Variants in RYR2 observed in about 807,000 individuals in gnomAD.
RYR2 encodes ryanodine receptor 2, also known as cardiac muscle ryanodine receptor-calcium release channel.
In RYR2, 227 loss-of-function variants were observed where a neutral mutation model predicts 601.1. That is an observed-to-expected ratio of 0.38 (90% confidence interval 0.34 to 0.42). RYR2 has a LOEUF of 0.42. Ranked by LOEUF, RYR2 falls within the 10% of genes least tolerant of loss-of-function variation. The pLI is 1.00. For missense variants in RYR2, 4,646 were observed against 6,156.5 expected, an observed-to-expected ratio of 0.75 and a Z score of 8.21; for synonymous variants, 2,223 against 2,175.1, an observed-to-expected ratio of 1.02 and a Z score of -0.61.
chr1:237,713,656 C>T (rs1231038430), intron 71 of RYR2, among the ~76,000 whole-genome samples: 2 of 152,080 alleles, frequency 1.3e-5, no homozygotes, highest in African/African-American at 4.8e-5. Context: ...CTCGGCCTCC[C>T]AAAGTACCTG....
At chr1:237,691,863 G>T (rs1299541389) in intron 63 of RYR2, among the ~76,000 whole-genome samples, 3 of 152,192 alleles carry the variant, frequency 2.0e-5, no homozygotes, top group Non-Finnish European at 2.9e-5. Flanking sequence ...TAAATAGGAC[G>T]TAGGCAGGTT....
intron 92 of RYR2, among the ~76,000 whole-genome samples, chr1:237,790,200 A>G (rs1658206504): frequency 6.6e-6 from 1 of 152,194 alleles, no homozygotes; most frequent in South Asian, 2.1e-4. Flanking sequence ...TCCCAGCCCA[A>G]TAAATTGTAC....
intron 74 of RYR2, among the ~76,000 whole-genome samples, chr1:237,724,281 T>G (rs1038331165): frequency 1.3e-5 from 2 of 150,112 alleles, no homozygotes; most frequent in Non-Finnish European, 3.0e-5. Flanking sequence ...TGTATTGCCT[T>G]TAGCCATATT....
intron 2 of RYR2, among the ~76,000 whole-genome samples, chr1:237,319,427 C>A (rs1051278881): frequency 6.6e-6 from 1 of 151,922 alleles, no homozygotes; most frequent in Non-Finnish European, 1.5e-5. Flanking sequence ...ACCCTGAATT[C>A]TTTTATGTCT....
intron 1 of RYR2, among the ~76,000 whole-genome samples, chr1:237,099,127 T>C (rs1667803462): frequency 6.6e-6 from 1 of 151,292 alleles, no homozygotes; most frequent in African/African-American, 2.4e-5. Flanking sequence ...ACCCAGGAAA[T>C]TCAATATCAG....
intron 56 of RYR2, among the ~76,000 whole-genome samples, chr1:237,663,481 C>T (rs1425131066): frequency 6.6e-6 from 1 of 152,084 alleles, no homozygotes; most frequent in Non-Finnish European, 1.5e-5. Flanking sequence ...CACAAGTGGC[C>T]CATGGTTAAC....
At chr1:237,769,272 CTAAG>C (rs1412731257) in intron 84 of RYR2, among the ~76,000 whole-genome samples, 1 of 152,118 alleles carries the variant, frequency 6.6e-6, no homozygotes, top group Non-Finnish European at 1.5e-5. Flanking sequence ...GAAAATGGAA[CTAAG>C]TATCACCAAT....
chr1:237,386,563 C>A lies in RYR2; in HGVS notation c.577-718C>A, dbSNP rs571805540. On this transcript the variant is annotated intron_variant, in intron 8 of 104. Coordinates refer to ENST00000366574, the MANE Select transcript of RYR2 (RefSeq NM_001035.3). ...GGTTGCTCTATGTATGTTTGAAATT[C>A]TAGAGGCAGCCAAGTTATGATGAGT... Among the ~76,000 whole-genome samples, 19 of 152,302 alleles carry A rather than the reference C, an allele frequency of 1.2e-4. No individual in the cohort carries two copies. In the South Asian group the frequency reaches 3.7e-3, roughly 30 times the overall value.
At chr1:237,609,653 T>C (rs1250524334) in intron 35 of RYR2, among the ~76,000 whole-genome samples, 1 of 151,940 alleles carries the variant, frequency 6.6e-6, no homozygotes, top group Admixed American at 6.6e-5. Flanking sequence ...GCGTGAGCCA[T>C]GGTGCCTAGC....
chr1:237,794,372 GA>G (rs1357867918), intron 95 of RYR2, among the ~76,000 whole-genome samples: 17 of 152,040 alleles, frequency 1.1e-4, no homozygotes, highest in Non-Finnish European at 2.2e-4. Flanking sequence ...AGCATTAAAG[GA>G]AAATGCATTG....
chr1:237,726,989 T>G, intron 75 of RYR2, 98 bp from the exon 76 acceptor site: 1 of 711,378 alleles, frequency 1.4e-6, no homozygotes, highest in East Asian at 2.7e-5. Flanking sequence ...GGCAACTGTT[T>G]AATACTATAT....
At chr1:237,213,470 G>A (rs771994686) in intron 1 of RYR2, among the ~76,000 whole-genome samples, 3 of 152,142 alleles carry the variant, frequency 2.0e-5, no homozygotes, top group South Asian at 2.1e-4. Flanking sequence ...GAGCCATTGC[G>A]TCTGGCCTTT....
At chr1:237,394,532 C>T (rs540206073) in intron 10 of RYR2, among the ~76,000 whole-genome samples, 1 of 152,348 alleles carries the variant, frequency 6.6e-6, no homozygotes, top group African/African-American at 2.4e-5. Flanking sequence ...TGCGGCTCAG[C>T]TGCTCAGCCA....
rs548418892 is a variant in RYR2, at chr1:237,818,203, C to T, written c.14434-833C>T. On this transcript the variant is annotated intron_variant, in intron 100 of 104. Coordinates refer to ENST00000366574, the MANE Select transcript of RYR2 (RefSeq NM_001035.3). ...CTCAATCCAGCATGACTTCATTTGC[C>T]ACCCCCTGCCCCAGGACATTTGGTA... Among the ~76,000 whole-genome samples the T allele has an allele frequency of 7.2e-5, 11 of 152,252 alleles. No individual in the cohort carries two copies. The South Asian group carries it at 2.3e-3, about 32-fold the overall frequency.
chr1:237,062,807 T>C (rs968688268), intron 1 of RYR2, among the ~76,000 whole-genome samples: 3 of 152,204 alleles, frequency 2.0e-5, no homozygotes, highest in Non-Finnish European at 4.4e-5. Flanking sequence ...CTTAAGAGAA[T>C]TTCATCAAGG....
intron 29 of RYR2, among the ~76,000 whole-genome samples, chr1:237,585,708 C>T (rs1674451069): frequency 6.6e-6 from 1 of 152,080 alleles, no homozygotes. Flanking sequence ...CTGTTAAGTT[C>T]TGCTTCACTT....
Position 237,123,600 on chromosome 1 carries a change from TAAC to T in RYR2, c.48+81037_48+81039del, listed in dbSNP as rs950933096. Among the ~76,000 whole-genome samples, 8 of 143,298 alleles carry T rather than the reference TAAC, an allele frequency of 5.6e-5. No individual in the cohort carries two copies. In the Admixed American group the frequency reaches 5.6e-4, roughly 10 times the overall value. The allele number at this position is 143,298 out of a possible 152,430, so 94.0% of individuals were successfully genotyped here. ...GGGCCCTCTCTCTTAACAACAAAAA[TAAC>T]AACAAAAAAGTGATGAAGACTTTCT... On this transcript the variant is annotated intron_variant, in intron 1 of 104. Transcript: ENST00000366574.
chr1:237,734,710 G>A (rs928788653), intron 79 of RYR2, among the ~76,000 whole-genome samples: 7 of 152,340 alleles, frequency 4.6e-5, no homozygotes, highest in Admixed American at 1.3e-4. Context: ...TGGGTACCAT[G>A]TACTGAGATG....
chr1:237,371,529 C>A (rs1700641352), intron 6 of RYR2, among the ~76,000 whole-genome samples: 1 of 152,082 alleles, frequency 6.6e-6, no homozygotes, highest in African/African-American at 2.4e-5. Context: ...ATTTTAGTGG[C>A]AACATGATAG....
Sources: gnomAD v4.1 joint callset for allele counts (sites outside exome capture counted in the v4.1 genomes callset) on GRCh38, gnomAD v4.1.1 for gene constraint, MANE v1.5 for transcripts, NCBI Gene and HGNC (gene_info 2026-07-23, HGNC 2026-07-21) for gene names.